Variants in GRIK2 observed in about 807,000 individuals in gnomAD.
GRIK2 encodes glutamate receptor ionotropic, kainate 2.
GRIK2 carries 32 observed loss-of-function variants against 100.3 expected under a neutral mutation model. That is an observed-to-expected ratio of 0.32 (90% CI 0.24 to 0.43). The LOEUF is 0.43. Among genes scored for constraint, GRIK2 ranks in the 20% least tolerant of loss-of-function variants. The pLI is 1.00. For missense variants in GRIK2, 843 were observed against 1,114.9 expected, an observed-to-expected ratio of 0.76 and a Z score of 3.47; for synonymous variants, 417 against 389.4, an observed-to-expected ratio of 1.07 and a Z score of -0.83.
chr6:101,821,819 G>A (rs1360207520), intron 10 of GRIK2, among the ~76,000 whole-genome samples: 1 of 151,994 alleles, frequency 6.6e-6, no homozygotes, highest in East Asian at 1.9e-4. Context: ...TTTGATTGAT[G>A]TTATGATTAT....
intron 2 of GRIK2, among the ~76,000 whole-genome samples, chr6:101,518,572 G>A (rs1380812291): frequency 6.6e-6 from 1 of 152,020 alleles, no homozygotes; most frequent in Non-Finnish European, 1.5e-5. Flanking sequence ...AAAATTAAAG[G>A]TACCAAATAG....
intron 16 of GRIK2, among the ~76,000 whole-genome samples, chr6:102,067,901 AT>A (rs1772096760): frequency 6.6e-6 from 1 of 151,880 alleles, no homozygotes; most frequent in Non-Finnish European, 1.5e-5. Flanking sequence ...TGAAGAATCA[AT>A]GTTCAAACAA....
At chr6:101,934,769 C>T (rs1378802725) in intron 14 of GRIK2, among the ~76,000 whole-genome samples, 1 of 151,882 alleles carries the variant, frequency 6.6e-6, no homozygotes, top group Non-Finnish European at 1.5e-5. Context: ...GAGATTTACT[C>T]ATTAGCAGAG....
intron 14 of GRIK2, among the ~76,000 whole-genome samples, chr6:101,979,493 T>C (rs1349109503): frequency 6.6e-6 from 1 of 151,882 alleles, no homozygotes; most frequent in Non-Finnish European, 1.5e-5. Flanking sequence ...TGAAAGGACA[T>C]TTGCTGAATG....
intron 2 of GRIK2, among the ~76,000 whole-genome samples, chr6:101,511,216 T>C (rs1013341706): frequency 8.5e-5 from 13 of 152,216 alleles, no homozygotes; most frequent in African/African-American, 3.1e-4. Context: ...ACACTTTAAT[T>C]TGACCATAGA....
chr6:102,060,972 T>A (rs2782895), intron 16 of GRIK2, among the ~76,000 whole-genome samples: 57,635 of 150,150 alleles, frequency 0.38, 11,400 homozygotes, highest in Middle Eastern at 0.47. Flanking sequence ...TCAATTTTTT[T>A]ATTGTTTTTA....
At chr6:101,913,124 A>G (rs1354969828) in intron 12 of GRIK2, among the ~76,000 whole-genome samples, 2 of 151,650 alleles carry the variant, frequency 1.3e-5, no homozygotes, top group African/African-American at 4.8e-5. Flanking sequence ...GTAAACAAGG[A>G]ATTCATACAA....
intron 2 of GRIK2, among the ~76,000 whole-genome samples, chr6:101,463,715 T>C (rs1771465654): frequency 6.6e-6 from 1 of 152,126 alleles, no homozygotes; most frequent in Non-Finnish European, 1.5e-5. Flanking sequence ...AGGGCTCTAA[T>C]ATCTATCACA....
intron 7 of GRIK2, among the ~76,000 whole-genome samples, chr6:101,769,273 G>A (rs556374841): frequency 6.6e-6 from 1 of 152,254 alleles, no homozygotes; most frequent in East Asian, 1.9e-4. Flanking sequence ...ATAAATGAAA[G>A]TATCTTTGTA....
In GRIK2 at chr6:102,051,251, C is replaced by CCCTTCCTTCTTTCCTTCCTTCCTT. The variant is rs764711100; in HGVS notation, c.2312-4070_2312-4069insTTTCCTTCCTTCCTTCCTTCCTTC. On this transcript the variant is annotated intron_variant, in intron 15 of 16. Transcript: ENST00000369134. Reference sequence around the variant, plus strand: ...ACTATGACTGCCTGCTTCCCTCCCTCCCTTCCTTCCTTCCTTCCTTCCTTC... The same window carrying CCCTTCCTTCTTTCCTTCCTTCCTT: ...ACTATGACTGCCTGCTTCCCTCCCTCCCTTCCTTCTTTCCTTCCTTCCTTCCTTCCTTCCTTCCTTCCTTCCTTC... Among the ~76,000 whole-genome samples the CCCTTCCTTCTTTCCTTCCTTCCTT allele has an allele frequency of 3.7e-3, 453 of 122,132 alleles. 17 individuals carry two copies. The highest frequency in any genetic ancestry group is 5.9e-3 in the South Asian group (19 of 3,232). The allele number at this position is 122,132 out of a possible 152,430, so 80.1% of individuals were successfully genotyped here. A position where few individuals can be genotyped will look rare whatever the true frequency, so the allele number is the denominator to read the frequency against.
At chr6:101,657,146 T>C (rs1383251864) in intron 4 of GRIK2, among the ~76,000 whole-genome samples, 1 of 152,208 alleles carries the variant, frequency 6.6e-6, no homozygotes, top group East Asian at 1.9e-4. Flanking sequence ...ATTGATAGGC[T>C]TTGTGTCCTC....
chr6:101,924,758 T>C (rs749657225), intron 13 of GRIK2, 39 bp downstream of exon 13: 3 of 1,259,578 alleles, frequency 2.4e-6, no homozygotes, highest in Non-Finnish European at 2.3e-6. Context: ...GGGCACCATG[T>C]CCCACTCTTT....
chr6:102,048,304 A>C (rs950251756), intron 15 of GRIK2, among the ~76,000 whole-genome samples: 1 of 151,942 alleles, frequency 6.6e-6, no homozygotes. Flanking sequence ...GTTGGGCAAT[A>C]TTTTTTTAGA....
intron 16 of GRIK2, among the ~76,000 whole-genome samples, chr6:102,059,087 T>C (rs1425202650): frequency 6.6e-6 from 1 of 151,170 alleles, no homozygotes. Flanking sequence ...TTCTCATAAG[T>C]TGTTGGATAA....
chr6:102,005,149 T>A (rs1319088068), intron 14 of GRIK2, among the ~76,000 whole-genome samples: 1 of 151,182 alleles, frequency 6.6e-6, no homozygotes, highest in Non-Finnish European at 1.5e-5. Flanking sequence ...GTATATATAT[T>A]ATGTATATTT....
At chr6:102,061,402 A>AGAT (rs933714836) in intron 16 of GRIK2, among the ~76,000 whole-genome samples, 1 of 150,606 alleles carries the variant, frequency 6.6e-6, no homozygotes, top group African/African-American at 2.4e-5. Flanking sequence ...CCAAGTTCAA[A>AGAT]GATGCCTAGT....
chr6:101,640,304 A>C (rs547484912), intron 4 of GRIK2, among the ~76,000 whole-genome samples: 1 of 152,248 alleles, frequency 6.6e-6, no homozygotes, highest in African/African-American at 2.4e-5. Context: ...TTCACTTCTA[A>C]ACCTCAAAAA....
chr6:101,559,217 G>A (rs1357658399), intron 2 of GRIK2, among the ~76,000 whole-genome samples: 1 of 151,744 alleles, frequency 6.6e-6, no homozygotes, highest in East Asian at 1.9e-4. Flanking sequence ...TTTTATACCA[G>A]AGTTAAAATA....
At chr6:101,834,681 T>A (rs1383005174) in intron 10 of GRIK2, among the ~76,000 whole-genome samples, 1 of 152,166 alleles carries the variant, frequency 6.6e-6, no homozygotes, top group Admixed American at 6.6e-5. Flanking sequence ...TACACATTTC[T>A]TTTTATTTAG....
Sources: allele counts gnomAD v4.1 joint callset (sites outside exome capture counted in the v4.1 genomes callset), GRCh38; gene constraint gnomAD v4.1.1; transcripts MANE v1.5; gene names NCBI Gene and HGNC (gene_info 2026-07-23, HGNC 2026-07-21).